Variants in BRINP3 observed in about 807,000 individuals in gnomAD.
BRINP3 encodes the protein BMP/retinoic acid inducible neural specific 3.
A neutral mutation model predicts 71.0 loss-of-function variants in BRINP3; 19 were observed. The ratio of observed to expected loss-of-function variants is 0.27; its 90% CI spans 0.19 to 0.39. BRINP3 has a LOEUF of 0.39. BRINP3 is among the 10% of genes least tolerant of loss of function. The pLI, the probability that BRINP3 is intolerant of heterozygous loss-of-function variation, is 1.00. For missense variants in BRINP3, 959 were observed against 940.8 expected (o/e 1.02, Z -0.25); for synonymous variants, 380 against 337.7 (o/e 1.13, Z -1.37).
At chr1:190,293,096 T>A (rs930447170) in intron 2 of BRINP3, among the ~76,000 whole-genome samples, 6 of 152,134 alleles carry the variant, frequency 3.9e-5, no homozygotes, top group African/African-American at 1.4e-4. Context: ...TTTACTTCTC[T>A]ACATTTCTTG....
intron 1 of BRINP3, among the ~76,000 whole-genome samples, chr1:190,470,840 T>G (rs769992941): frequency 5.3e-5 from 8 of 151,144 alleles, no homozygotes; most frequent in Non-Finnish European, 1.2e-4. Flanking sequence ...TTTCAATTTT[T>G]GGGAAAAGAT....
At chr1:190,284,625 T>C (rs116612926) in intron 2 of BRINP3, among the ~76,000 whole-genome samples, 1,595 of 152,172 alleles carry the variant, frequency 0.01, 25 homozygotes, top group African/African-American at 0.036. Flanking sequence ...CCTGGACAAC[T>C]TTCCAGAGAG....
At chr1:190,265,173 C>A (rs915791451) in intron 3 of BRINP3, 118 bp from the exon 4 acceptor site, 1 of 860,904 alleles carries the variant, frequency 1.2e-6, no homozygotes, top group Non-Finnish European at 1.7e-6. Context: ...TGATATATGC[C>A]AAAAGGGCAA....
chr1:190,336,174 G>C (rs1447946097), intron 2 of BRINP3, among the ~76,000 whole-genome samples: 1 of 151,898 alleles, frequency 6.6e-6, no homozygotes, highest in African/African-American at 2.4e-5. Flanking sequence ...TCTTCTAATT[G>C]AAAGTATTAA....
intron 4 of BRINP3, among the ~76,000 whole-genome samples, chr1:190,235,760 C>T (rs1235529847): frequency 2.6e-5 from 4 of 151,992 alleles, no homozygotes; most frequent in Non-Finnish European, 4.4e-5. Context: ...CTTGGGACTA[C>T]TTGGACTAAC....
At chr1:190,175,529 G>A (rs566533629) in intron 6 of BRINP3, among the ~76,000 whole-genome samples, 1 of 152,166 alleles carries the variant, frequency 6.6e-6, no homozygotes, top group East Asian at 1.9e-4. Flanking sequence ...TTATATTGGA[G>A]CCCATACAAA....
chr1:190,350,304 A>G (rs1450551262), intron 2 of BRINP3, among the ~76,000 whole-genome samples: 5 of 152,136 alleles, frequency 3.3e-5, no homozygotes, highest in African/African-American at 1.2e-4. Context: ...TTCTCAGCTA[A>G]CAGTCACCAG....
chr1:190,233,489 A>AT (rs1379390045), intron 5 of BRINP3, among the ~76,000 whole-genome samples: 2 of 152,076 alleles, frequency 1.3e-5, no homozygotes, highest in African/African-American at 4.8e-5. Context: ...ACACTGATAC[A>AT]TTTTTCAAGA....
chr1:190,184,936 C>A (rs1653378232), intron 6 of BRINP3, among the ~76,000 whole-genome samples: 2 of 152,018 alleles, frequency 1.3e-5, no homozygotes, highest in South Asian at 4.1e-4. Context: ...AAATCCCTAC[C>A]ATATTCCATA....
intron 2 of BRINP3, among the ~76,000 whole-genome samples, chr1:190,374,851 A>C (rs1054491317): frequency 6.6e-6 from 1 of 152,082 alleles, no homozygotes; most frequent in Non-Finnish European, 1.5e-5. Flanking sequence ...TAAAGCTGTC[A>C]TGAACAGGAT....
chr1:190,368,747 T>G (rs1669669681), intron 2 of BRINP3, among the ~76,000 whole-genome samples: 1 of 152,096 alleles, frequency 6.6e-6, no homozygotes, highest in South Asian at 2.1e-4. Flanking sequence ...GTAAATTTCC[T>G]CGGGCTCCAG....
chr1:190,280,535 T>C (rs926213160), intron 3 of BRINP3, among the ~76,000 whole-genome samples: 1 of 151,750 alleles, frequency 6.6e-6, no homozygotes, highest in Non-Finnish European at 1.5e-5. Flanking sequence ...ATATGGGGTA[T>C]ATTCTGGTGT....
At chr1:190,258,505 C>G (rs1660879696) in intron 4 of BRINP3, among the ~76,000 whole-genome samples, 1 of 151,578 alleles carries the variant, frequency 6.6e-6, no homozygotes, top group South Asian at 2.1e-4. Flanking sequence ...AAAAAGTTTA[C>G]CTTGATTGAT....
intron 7 of BRINP3, among the ~76,000 whole-genome samples, chr1:190,140,752 A>G (rs1306901776): frequency 6.6e-6 from 1 of 152,178 alleles, no homozygotes; most frequent in Non-Finnish European, 1.5e-5. Flanking sequence ...AGGATACCAA[A>G]ATTAGCATTC....
chr1:190,118,797 A>G (rs1653368114), intron 7 of BRINP3, among the ~76,000 whole-genome samples: 1 of 152,240 alleles, frequency 6.6e-6, no homozygotes, highest in Non-Finnish European at 1.5e-5. Context: ...GAAAGTGGTA[A>G]GCGGTACTGA....
intron 1 of BRINP3, among the ~76,000 whole-genome samples, chr1:190,468,738 G>A (rs999964851): frequency 9.9e-5 from 15 of 151,086 alleles, no homozygotes; most frequent in Non-Finnish European, 1.8e-4. Context: ...GGGGGTGGGA[G>A]TAGAGGAGGC....
intron 2 of BRINP3, among the ~76,000 whole-genome samples, chr1:190,370,626 A>G (rs12080920): frequency 0.015 from 2,313 of 152,344 alleles, 54 homozygotes; most frequent in African/African-American, 0.053. Flanking sequence ...AGTAGGTTAG[A>G]GGATATTTGG....
chr1:190,196,658 G>GT (rs201310383), intron 6 of BRINP3, among the ~76,000 whole-genome samples: 63 of 150,766 alleles, frequency 4.2e-4, no homozygotes, highest in Admixed American at 2.7e-3. Flanking sequence ...TAACTGATAG[G>GT]TTTTTTTTTG....
rs573181407 is a variant in BRINP3 at position 190,297,301 on chromosome 1, G to A, written c.237-15551C>T. On this transcript the variant is annotated intron_variant, in intron 2 of 7. Coordinates refer to ENST00000367462, the MANE Select transcript of BRINP3 (RefSeq NM_199051.3). ...ACACAATCAGGAAATAAACAGTGTT[G>A]AGAAAACTGGATATTCATAAGTGAA... Among the ~76,000 whole-genome samples the A allele has an allele frequency of 7.9e-5, 12 of 151,974 alleles. No individual in the cohort carries two copies. In the South Asian group the frequency reaches 2.5e-3, roughly 32 times the overall value.
Sources: allele counts gnomAD v4.1 joint callset (sites outside exome capture counted in the v4.1 genomes callset), GRCh38; gene constraint gnomAD v4.1.1; transcripts MANE v1.5; gene names NCBI Gene and HGNC (gene_info 2026-07-23, HGNC 2026-07-21).